GABBR2: variants seen among roughly 807,000 people sequenced by gnomAD.
GABBR2 encodes the protein G-protein coupled receptor 51.
In GABBR2, 23 loss-of-function variants were observed where a neutral mutation model predicts 105.6. The ratio of observed to expected loss-of-function variants is 0.22; its 90% CI spans 0.16 to 0.31. The LOEUF is 0.31. GABBR2 is among the 10% of genes least tolerant of loss of function. GABBR2 has a pLI of 1.00. For synonymous variants in GABBR2, 478 were observed against 499.7 expected (o/e 0.96, Z 0.58); for missense variants, 734 against 1,245.5 (o/e 0.59, Z 6.18).
chr9:98,353,583 G>C (rs910129594), intron 13 of GABBR2, among the ~76,000 whole-genome samples: 1 of 152,176 alleles, frequency 6.6e-6, no homozygotes, highest in East Asian at 1.9e-4. Context: ...TAAATAATAA[G>C]ACTTGAAAGT....
rs369833340 is a variant in GABBR2, at chr9:98,299,991, TA to T, written c.2413-639del. ...AATCCTCCTGTCTCACCCTCCTGAG[TA>T]GCTGGGACTACACGTGCATGCTACC... On this transcript the variant is annotated intron_variant, in intron 16 of 18. Transcript: ENST00000259455. 1.3e-3 allele frequency among the ~76,000 whole-genome samples: 204 copies of T among 151,922 alleles called. 1 individual carries two copies. The highest frequency in any genetic ancestry group is 4.4e-3 in the African/African-American group (183 of 41,430).
chr9:98,615,266 C>T (rs1300895300), intron 1 of GABBR2, among the ~76,000 whole-genome samples: 1 of 152,168 alleles, frequency 6.6e-6, no homozygotes, highest in Non-Finnish European at 1.5e-5. Context: ...CCCAGAGGCA[C>T]AGAGAGTCCT....
intron 1 of GABBR2, among the ~76,000 whole-genome samples, chr9:98,609,792 C>G (rs1167867547): frequency 6.6e-6 from 1 of 152,194 alleles, no homozygotes; most frequent in Non-Finnish European, 1.5e-5. Context: ...CTTTGTGATG[C>G]CCCGTCTGCT....
intron 1 of GABBR2, among the ~76,000 whole-genome samples, chr9:98,595,364 A>G (rs544284384): frequency 6.6e-5 from 10 of 151,780 alleles, no homozygotes; most frequent in Admixed American, 5.9e-4. Context: ...GGATTTCAAC[A>G]TATGACTCTT....
intron 4 of GABBR2, among the ~76,000 whole-genome samples, chr9:98,488,979 G>C (rs1488990518): frequency 6.6e-6 from 1 of 152,174 alleles, no homozygotes; most frequent in African/African-American, 2.4e-5. Context: ...CTTCAGAGCA[G>C]GTGGTGGCAA....
chr9:98,401,711 A>T (rs962259562), intron 8 of GABBR2, among the ~76,000 whole-genome samples: 1 of 152,344 alleles, frequency 6.6e-6, no homozygotes, highest in East Asian at 1.9e-4. Flanking sequence ...GGAAAAGGTT[A>T]TTAAAAATCA....
chr9:98,487,288 C>A (rs926492685), intron 4 of GABBR2, among the ~76,000 whole-genome samples: 2 of 152,114 alleles, frequency 1.3e-5, no homozygotes, highest in African/African-American at 2.4e-5. Flanking sequence ...GGACTCCTGG[C>A]CTGTGGGAGT....
chr9:98,291,106 C>T lies in GABBR2; in HGVS notation c.2661-357G>A, dbSNP rs933287034. ...TAAACCCATTGTAAGTTGAAAATATCGTAAGTTGAAAAATGCATTTAATCC... is the reference window on the plus strand; with the variant it reads ...TAAACCCATTGTAAGTTGAAAATATTGTAAGTTGAAAAATGCATTTAATCC... On this transcript the variant is annotated intron_variant, in intron 18 of 18. Transcript: ENST00000259455. 8.5e-5 allele frequency among the ~76,000 whole-genome samples: 13 copies of T among 152,082 alleles called. No individual in the cohort carries two copies. In the South Asian group the frequency reaches 1.7e-3, roughly 19 times the overall value.
At chr9:98,685,951 A>T (rs1830615295) in intron 1 of GABBR2, among the ~76,000 whole-genome samples, 1 of 152,114 alleles carries the variant, frequency 6.6e-6, no homozygotes, top group South Asian at 2.1e-4. Flanking sequence ...GGCCTCACAA[A>T]GTATCGGGAT....
At chr9:98,382,031 G>A (rs1831986308) in intron 11 of GABBR2, among the ~76,000 whole-genome samples, 1 of 152,190 alleles carries the variant, frequency 6.6e-6, no homozygotes, top group South Asian at 2.1e-4. Flanking sequence ...CGAGATGTCA[G>A]GAACTTCTTT....
At chr9:98,652,492 T>G (rs528267401) in intron 1 of GABBR2, among the ~76,000 whole-genome samples, 1 of 152,120 alleles carries the variant, frequency 6.6e-6, no homozygotes, top group Non-Finnish European at 1.5e-5. Context: ...GACACCTGGA[T>G]CAGTGGTTTT....
intron 3 of GABBR2, among the ~76,000 whole-genome samples, chr9:98,500,816 T>C (rs1827383259): frequency 6.6e-6 from 1 of 152,148 alleles, no homozygotes; most frequent in Non-Finnish European, 1.5e-5. Flanking sequence ...CAGTGGCCCC[T>C]GCACCAGTAA....
chr9:98,457,951 G>A (rs1286867102), intron 6 of GABBR2, among the ~76,000 whole-genome samples: 2 of 152,236 alleles, frequency 1.3e-5, no homozygotes, highest in Non-Finnish European at 2.9e-5. Context: ...TTTATCGTGA[G>A]ATGCTAAAAG....
At chr9:98,595,026 C>T (rs1286229213) in intron 1 of GABBR2, among the ~76,000 whole-genome samples, 6 of 152,122 alleles carry the variant, frequency 3.9e-5, no homozygotes, top group Admixed American at 3.9e-4. Context: ...ACAGTCACCG[C>T]AGAGAATGGT....
At chr9:98,587,636 A>G (rs2778910) in intron 1 of GABBR2, among the ~76,000 whole-genome samples, 107,957 of 152,122 alleles carry the variant, frequency 0.71, 38,339 homozygotes, top group East Asian at 0.77. Flanking sequence ...AGGAGGCAGA[A>G]GAGGGAAGAG....
intron 1 of GABBR2, among the ~76,000 whole-genome samples, chr9:98,702,769 G>A (rs1416338030): frequency 1.3e-5 from 2 of 152,106 alleles, no homozygotes; most frequent in African/African-American, 4.8e-5. Context: ...GGTCTCTCTG[G>A]TCCTATATGA....
In GABBR2 at chr9:98,688,394, C is replaced by CATATAT. The variant is rs34589145; in HGVS notation, c.321+20017_321+20022dup. 7.4e-3 allele frequency among the ~76,000 whole-genome samples: 1,042 copies of CATATAT among 140,530 alleles called. 42 individuals are homozygous for CATATAT. Among genetic ancestry groups the CATATAT allele is most frequent in the African/African-American group, 0.017 (660 of 37,784 alleles). The allele number at this position is 140,530 out of a possible 152,430, so 92.2% of individuals were successfully genotyped here. ...TAATTTAAGAAATAATATGTGGTTT[C>CATATAT]ATATATATATATATATAAAATCTCC... On this transcript the variant is annotated intron_variant, in intron 1 of 18. Coordinates refer to ENST00000259455, the MANE Select transcript of GABBR2 (RefSeq NM_005458.8).
At chr9:98,624,778 C>T (rs1829712371) in intron 1 of GABBR2, among the ~76,000 whole-genome samples, 1 of 152,166 alleles carries the variant, frequency 6.6e-6, no homozygotes, top group Non-Finnish European at 1.5e-5. Flanking sequence ...GGCAAATGCA[C>T]TGAGAATCAG....
intron 13 of GABBR2, among the ~76,000 whole-genome samples, chr9:98,320,367 T>G (rs1306743593): frequency 1.3e-5 from 2 of 151,856 alleles, no homozygotes; most frequent in Non-Finnish European, 2.9e-5. Context: ...GGAACACTTT[T>G]ACACTGTTGG....
Sources: gnomAD v4.1 joint callset for allele counts (sites outside exome capture counted in the v4.1 genomes callset) on GRCh38, gnomAD v4.1.1 for gene constraint, MANE v1.5 for transcripts, NCBI Gene and HGNC (gene_info 2026-07-23, HGNC 2026-07-21) for gene names.